Variants in GRM4 observed in about 807,000 individuals in gnomAD.
GRM4 encodes glutamate metabotropic receptor 4.
In GRM4, 28 loss-of-function variants were observed where a neutral mutation model predicts 81.7. That is an observed-to-expected ratio of 0.34 (90% CI 0.25 to 0.47). The LOEUF (loss-of-function observed/expected upper bound fraction) is 0.47, where lower values mean the gene tolerates loss of function less well. GRM4 is among the 20% of genes least tolerant of loss of function. GRM4 has a pLI of 1.00. For synonymous variants in GRM4, 488 were observed against 528.8 expected (o/e 0.92, Z 1.06); for missense variants, 948 against 1,290.0 (o/e 0.73, Z 4.06).
chr6:34,094,182 G>A (rs1398114973), intron 2 of GRM4, among the ~76,000 whole-genome samples: 1 of 152,216 alleles, frequency 6.6e-6, no homozygotes, highest in Admixed American at 6.5e-5. Context: ...CTGTGTGAAA[G>A]GGGAGGTGCA....
In GRM4 at chr6:34,070,310, C is replaced by T. The variant is rs1019906601; in HGVS notation, c.737-8282G>A. Among the ~76,000 whole-genome samples the T allele has an allele frequency of 2.6e-5, 4 of 152,154 alleles. No individual in the cohort carries two copies. The highest frequency in any genetic ancestry group is 5.9e-5 in the Non-Finnish European group (4 of 68,014). ...CCACGTGCACCTGGACGTCTCCCTC[C>T]GTCCTGCCTTCTGCTGGGATTTTAC... On this transcript the variant is annotated intron_variant, in intron 3 of 10. Transcript: ENST00000538487. This position sits in a 1 kb window ranked among gnomAD's most constrained non-coding sequence, Gnocchi z 4.6.
rs1769505231 is a variant in GRM4, at chr6:34,114,430, C to G, written c.519+18548G>C. Among the ~76,000 whole-genome samples, 1 of 152,114 alleles carries G rather than the reference C, an allele frequency of 6.6e-6. No homozygotes were observed. On this transcript the variant is annotated intron_variant, in intron 2 of 10. Transcript: ENST00000538487. This position sits in a 1 kb window ranked among gnomAD's most constrained non-coding sequence, Gnocchi z 4.3. ...TTGTTCTATCCATCTCCTCATCACT[C>G]TCTCAGCTTCAGGCCTTGCCCTGCA...
chr6:34,150,173 C>T (rs1771017387), upstream of GRM4, among the ~76,000 whole-genome samples: 1 of 138,628 alleles, frequency 7.2e-6, no homozygotes, highest in Non-Finnish European at 1.5e-5. Flanking sequence ...TGTACCTGTA[C>T]CCCACCTGCC....
chr6:34,046,872 C>T (rs781162813), intron 6 of GRM4, among the ~76,000 whole-genome samples: 2 of 152,142 alleles, frequency 1.3e-5, no homozygotes, highest in Non-Finnish European at 2.9e-5. Context: ...GAGCATGAGC[C>T]ACAAATATAC....
rs148662557 is a variant in GRM4, at chr6:34,096,296, C to T, written c.520-4197G>A. On this transcript the variant is annotated intron_variant, in intron 2 of 10. Coordinates refer to ENST00000538487, the MANE Select transcript of GRM4 (RefSeq NM_000841.4). ...TCCTCTTTGTCTATTTTCCTCTGTC[C>T]CCAGAGTCCATGACCTCATCTCCCA... 7.1e-3 allele frequency among the ~76,000 whole-genome samples: 1,082 copies of T among 152,210 alleles called. 7 individuals are homozygous for T. Among genetic ancestry groups the T allele is most frequent in the Non-Finnish European group, 0.01 (705 of 68,006 alleles).
At chr6:34,071,851 C>T (rs1308768857) in intron 3 of GRM4, among the ~76,000 whole-genome samples, 1 of 131,562 alleles carries the variant, frequency 7.6e-6, no homozygotes, top group Non-Finnish European at 1.6e-5. Context: ...ATACAAACCA[C>T]ACACACAACC....
chr6:34,118,115 A>G (rs886878773), intron 2 of GRM4, among the ~76,000 whole-genome samples: 1 of 152,248 alleles, frequency 6.6e-6, no homozygotes, highest in African/African-American at 2.4e-5. Context: ...ACACACATGT[A>G]TCAAGGTTGC....
Position 34,111,425 on chromosome 6 carries a change from T to C in GRM4, c.520-19326A>G, listed in dbSNP as rs1581709150. 2.0e-5 allele frequency among the ~76,000 whole-genome samples: 3 copies of C among 151,090 alleles called. No individual in the cohort carries two copies. Among genetic ancestry groups the C allele is most frequent in the East Asian group, 1.9e-4 (1 of 5,136 alleles). On this transcript the variant is annotated intron_variant, in intron 2 of 10. Transcript: ENST00000538487. This position sits in a 1 kb window ranked among gnomAD's most constrained non-coding sequence, Gnocchi z 5.1. ...ACACACACACACAAACACACACACA[T>C]AGAGTCAGCACTGGTGGAGGCAGCA...
In GRM4 at chr6:34,146,073, C is replaced by T; in HGVS notation, c.-437G>A. On this transcript the variant is annotated 5_prime_UTR_variant, in exon 1 of 11. Coordinates refer to ENST00000538487, the MANE Select transcript of GRM4 (RefSeq NM_000841.4). ...GGAACATAGCCTCCCTAACACACACCCAGAAAAGTACAGCAAAGCACAGGG... is the reference window on the plus strand; with the variant it reads ...GGAACATAGCCTCCCTAACACACACTCAGAAAAGTACAGCAAAGCACAGGG... 1.0e-6 allele frequency: 1 copy of T among 985,412 alleles called. No individual in the cohort carries two copies. Among genetic ancestry groups the T allele is most frequent in the Non-Finnish European group, 1.2e-6 (1 of 829,932 alleles). 61.0% of individuals were successfully genotyped at this position (985,412 alleles called of 1,614,324 possible). A position where few individuals can be genotyped will look rare whatever the true frequency, so the allele number is the denominator to read the frequency against.
At chr6:34,147,002 G>A (rs1011281222), upstream of GRM4, among the ~76,000 whole-genome samples, 3 of 152,112 alleles carry the variant, frequency 2.0e-5, no homozygotes, top group Non-Finnish European at 2.9e-5. Context: ...ACCACATCTC[G>A]TTCAGCATCA....
chr6:34,146,354 C>T (rs1356893272), upstream of GRM4, among the ~76,000 whole-genome samples: 1 of 152,216 alleles, frequency 6.6e-6, no homozygotes, highest in Non-Finnish European at 1.5e-5. Flanking sequence ...AAACACCCCA[C>T]CCGCTGGTCT....
chr6:34,098,705 G>A (rs77652361), intron 2 of GRM4, among the ~76,000 whole-genome samples: 2,325 of 152,368 alleles, frequency 0.015, 40 homozygotes, highest in African/African-American at 0.044. Flanking sequence ...AAAAGCCAGT[G>A]ATGCTTTCAG....
In GRM4 at chr6:34,121,625, C is replaced by T. The variant is rs904021952; in HGVS notation, c.519+11353G>A. Among the ~76,000 whole-genome samples, 2 of 152,214 alleles carry T rather than the reference C, an allele frequency of 1.3e-5. No homozygotes were observed. The highest frequency in any genetic ancestry group is 2.4e-5 in the African/African-American group (1 of 41,456). ...GCAGGCAGCACCTTCGAGGCAGATCCCCGCTCAGGGCACCTCTGCTGGGCC... is the reference window on the plus strand; with the variant it reads ...GCAGGCAGCACCTTCGAGGCAGATCTCCGCTCAGGGCACCTCTGCTGGGCC... On this transcript the variant is annotated intron_variant, in intron 2 of 10. Transcript: ENST00000538487. The surrounding 1 kb of genome is among the most constrained non-coding windows in gnomAD (Gnocchi z 4.6).
chr6:34,038,489 A>G (rs1764827841), intron 8 of GRM4, among the ~76,000 whole-genome samples: 1 of 152,222 alleles, frequency 6.6e-6, no homozygotes, highest in Admixed American at 6.5e-5. Context: ...TGAAAGAATA[A>G]CTACACAGGC....
chr6:34,060,629 G>A (rs553906576), intron 4 of GRM4: 4 of 152,380 alleles, frequency 2.6e-5, no homozygotes, highest in Admixed American at 1.3e-4. Context: ...AGCTGGGTGC[G>A]GTGTGGGAGC....
intron 2 of GRM4, among the ~76,000 whole-genome samples, chr6:34,117,154 C>G (rs539138050): frequency 3.9e-5 from 6 of 152,330 alleles, no homozygotes; most frequent in African/African-American, 1.2e-4. Flanking sequence ...TAAGTTGTAC[C>G]TCCATTTTAA....
chr6:34,091,347 G>A (rs1405221680), intron 3 of GRM4, among the ~76,000 whole-genome samples: 3 of 152,184 alleles, frequency 2.0e-5, no homozygotes, highest in East Asian at 1.9e-4. Context: ...GGGAGACCTC[G>A]AGGAGAATAA....
chr6:34,141,168 G>T (rs894344662), intron 1 of GRM4, among the ~76,000 whole-genome samples: 6 of 152,218 alleles, frequency 3.9e-5, no homozygotes, highest in African/African-American at 1.4e-4. Flanking sequence ...AGGGGTGGCT[G>T]GGAGAGCCAA....
chr6:34,040,317 G>A lies in GRM4; in HGVS notation c.1370-3C>T, dbSNP rs568205014. 27 of 1,613,782 alleles carry A rather than the reference G, an allele frequency of 1.7e-5. No individual in the cohort carries two copies. The African/African-American group carries it at 3.2e-4, about 19-fold the overall frequency. On this transcript the variant is annotated splice_region_variant and splice_polypyrimidine_tract_variant and intron_variant, in intron 7 of 10. Transcript: ENST00000538487. Reference sequence around the variant, plus strand: ...GGTCACAGGGTTCCCTGCGATGCCTGTAAGGGTGGGCGGGTGTCTTTGCAG... The same window carrying A: ...GGTCACAGGGTTCCCTGCGATGCCTATAAGGGTGGGCGGGTGTCTTTGCAG...
Sources: allele counts gnomAD v4.1 joint callset (sites outside exome capture counted in the v4.1 genomes callset), GRCh38; gene constraint gnomAD v4.1.1; non-coding constraint Gnocchi (gnomAD v3.1); transcripts MANE v1.5; gene names NCBI Gene and HGNC (gene_info 2026-07-23, HGNC 2026-07-21).